The following VCF1 variants were observed in gnomAD, a reference collection of about 807,000 sequenced individuals.
VCF1 encodes the protein VCP nuclear cofactor family member 1.
the VCF1 span, chr17:73,208,438 G>C: frequency 6.2e-7 from 1 of 1,614,124 alleles, no homozygotes; most frequent in Non-Finnish European, 8.5e-7. Context: ...TGGCTCTCTA[G>C]TATGACTAAG....
chr17:73,227,412 T>TG, the VCF1 span: 1 of 677,918 alleles, frequency 1.5e-6, no homozygotes, highest in Non-Finnish European at 2.2e-6. Flanking sequence ...GGTTATCAGT[T>TG]GGAAGTACAG....
At chr17:73,231,967 C>T in the VCF1 span, 1 of 1,106,774 alleles carries the variant, frequency 9.0e-7, no homozygotes, top group Non-Finnish European at 1.3e-6. Flanking sequence ...GCCCGCAGTG[C>T]ACCCCACAGG....
the VCF1 span, among the ~76,000 whole-genome samples, chr17:73,211,846 A>G: frequency 3.3e-5 from 5 of 152,262 alleles, no homozygotes; most frequent in Admixed American, 2.6e-4. Context: ...GTGACAGAGT[A>G]AGACTCCATC....
At chr17:73,207,354 G>A in the VCF1 span, 7 of 1,122,608 alleles carry the variant, frequency 6.2e-6, no homozygotes, top group South Asian at 6.4e-5. Flanking sequence ...ATTAAGAACT[G>A]AATGACAAAA....
At chr17:73,207,488 A>AAAAT in the VCF1 span, 18 of 644,646 alleles carry the variant, frequency 2.8e-5, no homozygotes, top group East Asian at 5.2e-4. Flanking sequence ...AGAAATGTAG[A>AAAAT]AAATATACAG....
At chr17:73,220,838 T>TA in the VCF1 span, among the ~76,000 whole-genome samples, 3 of 150,588 alleles carry the variant, frequency 2.0e-5, no homozygotes, top group Non-Finnish European at 4.4e-5. Flanking sequence ...TTAAAGGTAT[T>TA]AAAAAAAATT....
chr17:73,224,925 G>GACAGCACAGCACAGC, the VCF1 span, among the ~76,000 whole-genome samples: 10 of 121,170 alleles, frequency 8.3e-5, no homozygotes, highest in African/African-American at 3.2e-4. Flanking sequence ...GACAGGACAG[G>GACAGCACAGCACAGC]ACAGGACAGC....
At chr17:73,227,335 A>C in the VCF1 span, 1 of 1,239,718 alleles carries the variant, frequency 8.1e-7, no homozygotes, top group Non-Finnish European at 1.1e-6. Context: ...TGAATTGCAA[A>C]CCATAACAAC....
chr17:73,219,278 C>T, the VCF1 span, among the ~76,000 whole-genome samples: 2 of 150,602 alleles, frequency 1.3e-5, no homozygotes, highest in Non-Finnish European at 1.5e-5. Context: ...ATATCAAGGA[C>T]TTAAACTGTA....
chr17:73,210,759 T>TAA, the VCF1 span, among the ~76,000 whole-genome samples: 6 of 138,914 alleles, frequency 4.3e-5, no homozygotes, highest in South Asian at 2.3e-4. Context: ...GCCTCGTTAT[T>TAA]TTTTTTTTTT....
chr17:73,216,848 A>G, the VCF1 span, among the ~76,000 whole-genome samples: 2 of 152,190 alleles, frequency 1.3e-5, no homozygotes, highest in African/African-American at 4.8e-5. Context: ...TCCAGTGTGC[A>G]AAGTCAGTTT....
chr17:73,218,357 C>A, the VCF1 span, among the ~76,000 whole-genome samples: 1 of 152,208 alleles, frequency 6.6e-6, no homozygotes, highest in Non-Finnish European at 1.5e-5. Flanking sequence ...CAGGTGATAA[C>A]TTTTCTGTCT....
At chr17:73,219,032 T>C in the VCF1 span, among the ~76,000 whole-genome samples, 3 of 144,776 alleles carry the variant, frequency 2.1e-5, no homozygotes, top group Non-Finnish European at 4.6e-5. Context: ...AAAAAAAAAA[T>C]ACAAAAAATT....
the VCF1 span, among the ~76,000 whole-genome samples, chr17:73,218,893 G>A: frequency 3.3e-5 from 5 of 152,082 alleles, no homozygotes; most frequent in East Asian, 1.9e-4. Context: ...GGTGGCGTGC[G>A]CCTGTAGTCC....
chr17:73,207,530 A>G, the VCF1 span: 1 of 589,334 alleles, frequency 1.7e-6, no homozygotes, highest in Non-Finnish European at 2.9e-6. Flanking sequence ...TGAATTTAGT[A>G]GGGTGAAAGA....
chr17:73,221,187 G>C, the VCF1 span, among the ~76,000 whole-genome samples: 1,717 of 3,546 alleles, frequency 0.48, 31 homozygotes, highest in Middle Eastern at 0.5. Flanking sequence ...ATGAGCCACC[G>C]GGCCCCAGCC....
At chr17:73,224,261 TCCAAA>T in the VCF1 span, among the ~76,000 whole-genome samples, 1 of 70,352 alleles carries the variant, frequency 1.4e-5, no homozygotes, top group East Asian at 4.7e-4. Flanking sequence ...ACGTCGTCTC[TCCAAA>T]AAAAAAAAAA....
chr17:73,220,369 T>A, the VCF1 span, among the ~76,000 whole-genome samples: 2 of 152,338 alleles, frequency 1.3e-5, no homozygotes, highest in East Asian at 3.9e-4. Flanking sequence ...CCCTTAGGAT[T>A]TTAATATTAA....
chr17:73,209,775 GGAA>G, the VCF1 span: 3 of 1,539,862 alleles, frequency 1.9e-6, no homozygotes, highest in East Asian at 4.9e-5. Flanking sequence ...AAGACTGGAA[GGAA>G]GAAGAAAGAA....
Sources: gnomAD v4.1 joint callset for allele counts (sites outside exome capture counted in the v4.1 genomes callset) on GRCh38, gnomAD v4.1.1 for gene constraint, MANE v1.5 for transcripts, NCBI Gene and HGNC (gene_info 2026-07-23, HGNC 2026-07-21) for gene names.